Variants in C2CD3 observed in about 807,000 individuals in gnomAD.
C2CD3 encodes the protein C2 domain containing 3 centriole elongation regulator, also known as C2 domain-containing protein 3.
In C2CD3, 148 loss-of-function variants were observed where a neutral mutation model predicts 234.0. The observed-to-expected ratio is 0.63, with a 90% CI of 0.55 to 0.72. The LOEUF is 0.72. Ranked by LOEUF, C2CD3 falls within the 30% of genes least tolerant of loss-of-function variation. The pLI is 0.00. For missense variants in C2CD3, 2,577 were observed against 2,811.5 expected (o/e 0.92, Z 1.89); for synonymous variants, 1,000 against 1,035.4 (o/e 0.97, Z 0.66).
intron 9 of C2CD3, among the ~76,000 whole-genome samples, chr11:74,116,278 G>GA (rs1186978456): frequency 2.6e-5 from 4 of 151,930 alleles, no homozygotes; most frequent in African/African-American, 7.3e-5. Context: ...AAATTAGCAA[G>GA]AAAAAATCAA....
chr11:74,018,174 C>A (rs932849894), intron 32 of C2CD3, among the ~76,000 whole-genome samples: 12 of 152,168 alleles, frequency 7.9e-5, no homozygotes, highest in African/African-American at 2.9e-4. Flanking sequence ...CAGATATGGC[C>A]GAGGTTCTGA....
chr11:74,019,249 C>T (rs1287668224), intron 32 of C2CD3, among the ~76,000 whole-genome samples: 1 of 152,186 alleles, frequency 6.6e-6, no homozygotes, highest in African/African-American at 2.4e-5. Flanking sequence ...CTGAGACTAG[C>T]ACCTGCCCAG....
At chr11:74,137,866 G>A (rs7951743) in intron 5 of C2CD3, among the ~76,000 whole-genome samples, 44,554 of 152,030 alleles carry the variant, frequency 0.29, 7,800 homozygotes, top group African/African-American at 0.49. Context: ...GATTACAGGC[G>A]TGAGCCACCG....
chr11:74,153,747 G>A (rs1855833446), intron 3 of C2CD3, among the ~76,000 whole-genome samples: 1 of 152,160 alleles, frequency 6.6e-6, no homozygotes. Flanking sequence ...TTTTCAATAA[G>A]AACAAAATTA....
intron 9 of C2CD3, 55 bp from the exon 10 acceptor site, chr11:74,114,648 C>G: frequency 3.4e-6 from 4 of 1,164,630 alleles, no homozygotes; most frequent in Non-Finnish European, 5.2e-6. Context: ...TCACATGAAA[C>G]AATCTAGTTT....
Position 74,085,685 on chromosome 11 carries a change from A to AC in C2CD3, c.3842dup (p.Cys1281TrpfsTer19), listed in dbSNP as rs781383029. ...CAAACTCCAACAACTCTGCTAGGAA[A>AC]CAGGCCTCTCCACTACAGTGCTGAG... On this transcript the variant is annotated frameshift_variant, in exon 21 of 33. Coordinates refer to ENST00000334126, the MANE Select transcript of C2CD3 (RefSeq NM_001286577.2). LOFTEE classifies it high-confidence loss of function. 1.9e-5 allele frequency: 30 copies of AC among 1,614,064 alleles called. No homozygotes were observed. The highest frequency in any genetic ancestry group is 2.5e-5 in the Non-Finnish European group (30 of 1,180,042).
intron 16 of C2CD3, among the ~76,000 whole-genome samples, chr11:74,097,116 T>G (rs750088221): frequency 6.7e-5 from 10 of 148,924 alleles, no homozygotes; most frequent in Non-Finnish European, 1.2e-4. Context: ...ACCATTGCAC[T>G]CCAGCCTGGG....
intron 17 of C2CD3, among the ~76,000 whole-genome samples, chr11:74,094,827 G>A (rs1339642066): frequency 2.0e-5 from 3 of 152,102 alleles, no homozygotes; most frequent in African/African-American, 7.2e-5. Context: ...TTTCCCTTAG[G>A]AACAGTGGTT....
chr11:74,083,837 T>C (rs1443875366), intron 22 of C2CD3, among the ~76,000 whole-genome samples: 2 of 152,166 alleles, frequency 1.3e-5, no homozygotes, highest in Non-Finnish European at 2.9e-5. Context: ...GCTTTTACAC[T>C]GTTGGTGGGA....
At chr11:74,108,363 T>C (rs1041312389) in intron 12 of C2CD3, among the ~76,000 whole-genome samples, 3 of 152,254 alleles carry the variant, frequency 2.0e-5, no homozygotes, top group African/African-American at 7.2e-5. Flanking sequence ...ATGTTCTTCA[T>C]GCTATCCATA....
intron 1 of C2CD3, 44 bp downstream of exon 1, chr11:74,170,694 G>A (rs1283709397): frequency 6.2e-7 from 1 of 1,611,512 alleles, no homozygotes; most frequent in East Asian, 2.2e-5. Flanking sequence ...CTTACACCCT[G>A]CTCTCCTATT....
intron 24 of C2CD3, among the ~76,000 whole-genome samples, chr11:74,066,391 G>A (rs966869523): frequency 1.3e-5 from 2 of 151,224 alleles, no homozygotes; most frequent in Non-Finnish European, 2.9e-5. Context: ...AAACCTGCAC[G>A]TTGTGCACAT....
chr11:74,035,200 G>A (rs1952679620), intron 30 of C2CD3, among the ~76,000 whole-genome samples: 1 of 152,174 alleles, frequency 6.6e-6, no homozygotes, highest in Non-Finnish European at 1.5e-5. Flanking sequence ...ATTATACACT[G>A]ATGATTTTCA....
chr11:74,032,561 C>T (rs1178998085), intron 31 of C2CD3, among the ~76,000 whole-genome samples: 1 of 152,208 alleles, frequency 6.6e-6, no homozygotes, highest in Non-Finnish European at 1.5e-5. Context: ...TTAGCTCCAT[C>T]ACTTCCTTTT....
chr11:74,164,303 T>A (rs1417666507), intron 2 of C2CD3: 1 of 913,208 alleles, frequency 1.1e-6, no homozygotes, highest in African/African-American at 1.8e-5. Flanking sequence ...CAGTTTCTAC[T>A]CTAGTAGTTC....
At position 74,057,530 on chromosome 11, in the gene C2CD3, C is replaced by G. The variant is rs1179427319; in HGVS notation, c.4966G>C (p.Glu1656Gln). The change falls in exon 25 of 33, where the codon GAG (glutamate) becomes CAG (glutamine). Residue 1656 changes from glutamate (E) to glutamine (Q), a missense_variant. Physicochemically the swap from Glu to Gln is conservative, Grantham distance 29. Transcript: ENST00000334126. ...HLSLKGSPLTERKVSIPSCCV... is the reference protein window; with the variant it reads ...HLSLKGSPLTQRKVSIPSCCV... ...CAACTGGGTATCGATACTTTCCGCT[C>G]TGTCAAGGGGCTCCCTGAAATAGAA... is the stretch of plus-strand genomic sequence containing the variant. 1 of 1,614,034 alleles carries G rather than the reference C, an allele frequency of 6.2e-7. No homozygotes were observed. The highest frequency in any genetic ancestry group is 8.5e-7 in the Non-Finnish European group (1 of 1,180,014).
chr11:74,082,267 T>C (rs1955413440), intron 22 of C2CD3, among the ~76,000 whole-genome samples: 2 of 151,898 alleles, frequency 1.3e-5, no homozygotes, highest in African/African-American at 4.8e-5. Context: ...AGGCGCCTGC[T>C]ACCACGCCCA....
chr11:74,049,424 T>C lies in C2CD3; in HGVS notation c.5274A>G (p.Ile1758Met), dbSNP rs748617491. The change falls in exon 27 of 33, where the codon ATA (isoleucine) becomes ATG (methionine). Residue 1758 changes from isoleucine (I) to methionine (M), a missense_variant. Transcript: ENST00000334126. ...TDFSGECQGQ[I>M]KVAVSPLESL... ...TCTCCAAAGGGGAGACAGCAACTTT[T>C]ATCTGCCCCTGGCACTCTCCACTGA... The C allele has an allele frequency of 6.2e-7, 1 of 1,614,104 alleles. No homozygotes were observed. Among genetic ancestry groups the C allele is most frequent in the Non-Finnish European group, 8.5e-7 (1 of 1,180,004 alleles).
intron 3 of C2CD3, among the ~76,000 whole-genome samples, chr11:74,151,312 T>TATTTACTC: frequency 6.6e-6 from 1 of 151,234 alleles, no homozygotes; most frequent in South Asian, 2.1e-4. Context: ...ACTCTTTATT[T>TATTTACTC]ATTTATTTAT....
Sources: gnomAD v4.1 joint callset for allele counts (sites outside exome capture counted in the v4.1 genomes callset) on GRCh38, gnomAD v4.1.1 for gene constraint, MANE v1.5 for transcripts, NCBI Gene and HGNC (gene_info 2026-07-23, HGNC 2026-07-21) for gene names.